NUP93: variants seen among roughly 807,000 people sequenced by gnomAD.
The protein encoded by NUP93 is nuclear pore complex protein Nup93.
A neutral mutation model predicts 107.8 loss-of-function variants in NUP93; 55 were observed. That is an observed-to-expected ratio of 0.51 (90% CI 0.41 to 0.64). The LOEUF (loss-of-function observed/expected upper bound fraction) is 0.64, where lower values mean the gene tolerates loss of function less well. Among genes scored for constraint, NUP93 ranks in the 30% least tolerant of loss-of-function variants. The probability of loss-of-function intolerance (pLI) is 0.00; values close to 1 mark genes in which losing one functional copy is unlikely to be tolerated. For synonymous variants in NUP93, 390 were observed against 397.5 expected (o/e 0.98, Z 0.22); for missense variants, 937 against 1,044.7 (o/e 0.90, Z 1.42).
At chr16:56,795,208 A>C (rs1452783293) in intron 3 of NUP93, among the ~76,000 whole-genome samples, 3 of 152,032 alleles carry the variant, frequency 2.0e-5, no homozygotes, top group African/African-American at 7.2e-5. Flanking sequence ...ATCCATGCCT[A>C]CTCATTGTTT....
chr16:56,803,866 C>T (rs1018968008), intron 4 of NUP93, among the ~76,000 whole-genome samples: 5 of 152,158 alleles, frequency 3.3e-5, no homozygotes, highest in South Asian at 2.1e-4. Flanking sequence ...ATTCTCATGT[C>T]GCAGCCTCCC....
intron 3 of NUP93, chr16:56,783,531 C>T (rs372581631): frequency 2.0e-6 from 2 of 985,450 alleles, no homozygotes; most frequent in African/African-American, 3.5e-5. Context: ...AAACCTCTAA[C>T]ACTGACCCTG....
rs762254899 is a variant in NUP93 at position 56,837,723 on chromosome 16, A to T, written c.2015A>T (p.Glu672Val). Residue 672 changes from glutamate (E) to valine (V), a missense_variant, in exon 18 of 22, where the codon GAA (glutamate) becomes GTA (valine). Glu to Val is a moderately radical substitution (Grantham distance 121, BLOSUM62 -2). Transcript: ENST00000308159. The part of the protein sequence containing the change: ...RLKNMALSIA[E>V]RYRAQGISAN... Reference sequence around the variant, plus strand: ...AAGAACATGGCACTCTCCATTGCCGAACGGTAAGCCAGGAGCTGGCTCCAT... The same window carrying T: ...AAGAACATGGCACTCTCCATTGCCGTACGGTAAGCCAGGAGCTGGCTCCAT... 3.1e-6 allele frequency: 5 copies of T among 1,612,802 alleles called. No homozygotes were observed. Among genetic ancestry groups the T allele is most frequent in the Non-Finnish European group, 4.2e-6 (5 of 1,179,048 alleles).
At chr16:56,790,280 G>A (rs139937658) in intron 3 of NUP93, among the ~76,000 whole-genome samples, 1 of 152,138 alleles carries the variant, frequency 6.6e-6, no homozygotes, top group African/African-American at 2.4e-5. Context: ...TTCAGTAATA[G>A]TGTCTAATGA....
chr16:56,832,086 A>G (rs1275688180), intron 11 of NUP93, 79 bp downstream of exon 11: 2 of 1,527,928 alleles, frequency 1.3e-6, no homozygotes, highest in Non-Finnish European at 1.8e-6. Flanking sequence ...TTACCTGCTT[A>G]ATGTATGATG....
intron 21 of NUP93, among the ~76,000 whole-genome samples, chr16:56,843,675 A>T (rs1172142582): frequency 2.0e-5 from 3 of 152,166 alleles, no homozygotes; most frequent in African/African-American, 7.2e-5. Context: ...ACAAAGTCAG[A>T]TTTCTTTTTG....
intron 6 of NUP93, among the ~76,000 whole-genome samples, chr16:56,820,319 T>A (rs1355407749): frequency 2.0e-5 from 3 of 152,202 alleles, no homozygotes; most frequent in Admixed American, 2.0e-4. Flanking sequence ...ATTGGTTGGA[T>A]GATTGATTGA....
At chr16:56,761,711 A>G (rs534746744) in intron 3 of NUP93, among the ~76,000 whole-genome samples, 24 of 152,238 alleles carry the variant, frequency 1.6e-4, no homozygotes, top group African/African-American at 5.3e-4. Flanking sequence ...ACTTTGTACT[A>G]TCCATCGTTT....
chr16:56,758,557 C>T lies in NUP93; in HGVS notation c.199C>T (p.Arg67Trp), dbSNP rs1431901735. 9.3e-6 allele frequency: 15 copies of T among 1,613,502 alleles called. No homozygotes were observed. Among genetic ancestry groups the T allele is most frequent in the African/African-American group, 4.0e-5 (3 of 74,854 alleles). ...DVKASVLLGSRGLDISHISQR... is the reference protein window; with the variant it reads ...DVKASVLLGSWGLDISHISQR... Reference sequence around the variant, plus strand: ...ACATAGGTCAGTTCTCCTCGGGTCTCGGGGACTTGACATATCCCACATCTC... The same window carrying T: ...ACATAGGTCAGTTCTCCTCGGGTCTTGGGGACTTGACATATCCCACATCTC... Residue 67 changes from arginine to tryptophan, a missense_variant, in exon 3 of 22, where the codon CGG (arginine) becomes TGG (tryptophan). Physicochemically the swap from Arg to Trp is moderately radical, Grantham distance 101. Transcript: ENST00000308159.
intron 3 of NUP93, chr16:56,783,837 T>A: frequency 2.0e-6 from 2 of 985,414 alleles, no homozygotes; most frequent in Non-Finnish European, 2.4e-6. Context: ...AGGTGGAGAA[T>A]ATTCCCAGAA....
chr16:56,744,071 G>A (rs1218914282), intron 1 of NUP93, among the ~76,000 whole-genome samples: 1 of 152,098 alleles, frequency 6.6e-6, no homozygotes, highest in Non-Finnish European at 1.5e-5. Context: ...AGCCCCAATT[G>A]TGCTGCATTG....
intron 8 of NUP93, among the ~76,000 whole-genome samples, chr16:56,825,520 T>C (rs1421725240): frequency 6.6e-6 from 1 of 151,906 alleles, no homozygotes; most frequent in African/African-American, 2.4e-5. Flanking sequence ...TTTTTTTTAA[T>C]TTTTATTTTT....
intron 2 of NUP93, among the ~76,000 whole-genome samples, chr16:56,756,298 C>CT (rs1421892240): frequency 4.1e-5 from 2 of 48,510 alleles, no homozygotes; most frequent in African/African-American, 7.5e-5. Flanking sequence ...TCTCCTTGCC[C>CT]CCCCCCCCCC....
intron 5 of NUP93, among the ~76,000 whole-genome samples, chr16:56,811,102 T>C (rs376633122): frequency 5.3e-5 from 8 of 152,180 alleles, no homozygotes; most frequent in East Asian, 3.8e-4. Flanking sequence ...TGAGCACATA[T>C]TTGCATCTCT....
chr16:56,830,100 T>G (rs550170553), intron 9 of NUP93, among the ~76,000 whole-genome samples: 1 of 152,340 alleles, frequency 6.6e-6, no homozygotes, highest in African/African-American at 2.4e-5. Flanking sequence ...TTTTATAAAC[T>G]TGAGTGCTAT....
chr16:56,730,407 T>C (rs1429357805), intron 1 of NUP93, among the ~76,000 whole-genome samples, 196 bp downstream of exon 1: 1 of 152,188 alleles, frequency 6.6e-6, no homozygotes, highest in Non-Finnish European at 1.5e-5. Flanking sequence ...GGAGTCGGGC[T>C]GCATCCCTGG....
chr16:56,841,669 G>A (rs1964027519), intron 20 of NUP93, 36 bp from the exon 21 acceptor site: 2 of 1,610,188 alleles, frequency 1.2e-6, no homozygotes, highest in South Asian at 1.1e-5. Flanking sequence ...CAAAGGCTTG[G>A]TTCTTTTTCT....
At chr16:56,789,501 T>C (rs1962705800) in intron 3 of NUP93, among the ~76,000 whole-genome samples, 1 of 152,132 alleles carries the variant, frequency 6.6e-6, no homozygotes, top group Admixed American at 6.5e-5. Flanking sequence ...CACAGTGCCA[T>C]GTTATATCGC....
At chr16:56,750,271 A>G (rs1392887531) in intron 2 of NUP93, among the ~76,000 whole-genome samples, 2 of 152,206 alleles carry the variant, frequency 1.3e-5, no homozygotes, top group Non-Finnish European at 1.5e-5. Context: ...AAAAGAAACC[A>G]AAGGGCTGAT....
Sources: gnomAD v4.1 joint callset for allele counts (sites outside exome capture counted in the v4.1 genomes callset) on GRCh38, gnomAD v4.1.1 for gene constraint, MANE v1.5 for transcripts, NCBI Gene and HGNC (gene_info 2026-07-23, HGNC 2026-07-21) for gene names.